Variants in ADGRG2 observed in about 807,000 individuals in gnomAD.
ADGRG2 encodes the protein adhesion G protein-coupled receptor G2, also known as G protein-coupled receptor 64.
A neutral mutation model predicts 74.1 loss-of-function variants in ADGRG2; 26 were observed. The observed-to-expected ratio is 0.35, with a 90% CI of 0.26 to 0.49. The LOEUF is 0.49. ADGRG2 is among the 20% of genes least tolerant of loss of function. ADGRG2 has a pLI of 0.99. For missense variants in ADGRG2, 619 were observed against 763.1 expected (o/e 0.81, Z 2.22); for synonymous variants, 296 against 295.2 (o/e 1.00, Z -0.03).
At chrX:19,035,912 C>T in intron 7 of ADGRG2, 30 bp downstream of exon 7, 1 of 816,699 alleles carries the variant, frequency 1.2e-6, no homozygotes, top group Non-Finnish European at 1.8e-6. Flanking sequence ...GCAGAAGAAG[C>T]TATTACATTT....
At chrX:19,037,719 T>C (rs1252466230) in intron 4 of ADGRG2, 83 bp from the exon 5 acceptor site, 2 of 711,134 alleles carry the variant, frequency 2.8e-6, no homozygotes, top group Non-Finnish European at 4.1e-6. Context: ...TGAGATATAA[T>C]TACGAAAAGA....
At chrX:19,083,850 A>G (rs1325651831) in intron 1 of ADGRG2, among the ~76,000 whole-genome samples, 2 of 112,455 alleles carry the variant, frequency 1.8e-5, no homozygotes, top group Non-Finnish European at 1.9e-5. Flanking sequence ...TTTCAAATGA[A>G]GATCTGTGAT....
intron 1 of ADGRG2, among the ~76,000 whole-genome samples, chrX:19,085,090 C>T (rs2061916661): frequency 8.9e-6 from 1 of 111,894 alleles, no homozygotes; most frequent in African/African-American, 3.3e-5. Context: ...AATATACACA[C>T]AAATACTGTC....
chrX:19,108,143 A>G (rs2062347020), intron 1 of ADGRG2, among the ~76,000 whole-genome samples: 1 of 109,416 alleles, frequency 9.1e-6, no homozygotes, highest in Non-Finnish European at 1.9e-5. Flanking sequence ...ATTAAAGTGT[A>G]AAAACAACTA....
chrX:19,022,977 G>A lies in ADGRG2; in HGVS notation c.548+439C>T, dbSNP rs140930619. Among the ~76,000 whole-genome samples the A allele has an allele frequency of 6.6e-3, 741 of 112,490 alleles. 1 individual carries two copies. The highest frequency in any genetic ancestry group is 0.015 in the South Asian group (40 of 2,712). ...CTCCCAAAGTGTTGGGATTACAGGC[G>A]TGAGCCACCACACCCAGCCATGTTC... On this transcript the variant is annotated intron_variant, in intron 13 of 28. Transcript: ENST00000379869.
chrX:19,114,007 G>A (rs1467987511), intron 1 of ADGRG2, among the ~76,000 whole-genome samples: 1 of 105,905 alleles, frequency 9.4e-6, no homozygotes, highest in Admixed American at 1.0e-4. Context: ...GGGAGGCAGA[G>A]GTTGCAGTGA....
intron 7 of ADGRG2, chrX:19,033,917 A>G: frequency 4.8e-6 from 1 of 208,323 alleles, no homozygotes; most frequent in Non-Finnish European, 8.6e-6. Flanking sequence ...TGCCTGTGTA[A>G]TTCTACTTTA....
intron 1 of ADGRG2, among the ~76,000 whole-genome samples, chrX:19,095,562 T>C (rs144080154): frequency 8.9e-6 from 1 of 112,441 alleles, no homozygotes; most frequent in African/African-American, 3.2e-5. Flanking sequence ...CTAATCAGCA[T>C]ATCAAATGCC....
At chrX:19,119,837 C>T (rs2062582838) in intron 1 of ADGRG2, among the ~76,000 whole-genome samples, 2 of 111,132 alleles carry the variant, frequency 1.8e-5, no homozygotes. Context: ...AACACAGCAG[C>T]TTTCCTTTCC....
chrX:19,006,128 C>A, intron 21 of ADGRG2, 23 bp from the exon 22 acceptor site: 1 of 1,144,728 alleles, frequency 8.7e-7, no homozygotes. Flanking sequence ...GGAAGAACAT[C>A]TGTCCCATCA....
chrX:19,049,438 G>GTTTTTTTTTTTTTTTTTTTTTTTTTTGT (rs752686975), intron 3 of ADGRG2, among the ~76,000 whole-genome samples: 1 of 82,214 alleles, frequency 1.2e-5, no homozygotes, highest in Non-Finnish European at 2.2e-5. Flanking sequence ...CGTTTTTTGT[G>GTTTTTTTTTTTTTTTTTTTTTTTTTTGT]TTTTTTTTTT....
chrX:18,994,945 GGAGT>G lies in ADGRG2; in HGVS notation c.2816_2819del (p.Asn939ThrfsTer5), dbSNP rs2059990267. On this transcript the variant is annotated frameshift_variant, in exon 28 of 29. Coordinates refer to ENST00000379869, the MANE Select transcript of ADGRG2 (RefSeq NM_001079858.3). LOFTEE classifies it high-confidence loss of function. ...AATCATTATTCACTAGCAGTGTGGT[GGAGT>G]TAGTGGAGTTACTGCTTGACTGTAA... 1 of 1,193,594 alleles carries G rather than the reference GGAGT, an allele frequency of 8.4e-7. No homozygotes were observed. Among genetic ancestry groups the G allele is most frequent in the South Asian group, 1.8e-5 (1 of 56,329 alleles).
intron 9 of ADGRG2, 91 bp downstream of exon 9, chrX:19,030,893 A>T: frequency 1.6e-6 from 1 of 606,691 alleles, no homozygotes; most frequent in Non-Finnish European, 2.6e-6. Context: ...TCCAAGAGGC[A>T]CATACCACAT....
At chrX:18,999,991 AT>A (rs754958892) in intron 24 of ADGRG2, 31 bp from the exon 25 acceptor site, 64,139 of 498,232 alleles carry the variant, frequency 0.13, no homozygotes, top group East Asian at 0.15. Context: ...GTCACACCTA[AT>A]TTTTTTTTTT....
At chrX:19,034,658 G>A (rs902244433) in intron 7 of ADGRG2, 1 of 112,274 alleles carries the variant, frequency 8.9e-6, no homozygotes, top group African/African-American at 3.2e-5. Flanking sequence ...TTTAGGTCCG[G>A]GTGCCGTGGC....
chrX:19,113,548 A>G (rs767137119), intron 1 of ADGRG2, among the ~76,000 whole-genome samples: 3 of 112,010 alleles, frequency 2.7e-5, no homozygotes, highest in Admixed American at 9.5e-5. Flanking sequence ...ATATTCTTAT[A>G]CTTAGGAAAT....
chrX:18,994,855 T>C (rs1215014676), intron 28 of ADGRG2, 41 bp downstream of exon 28: 3 of 1,085,664 alleles, frequency 2.8e-6, no homozygotes, highest in Non-Finnish European at 3.7e-6. Context: ...TTTTAAAAAA[T>C]AAACACTAGC....
At chrX:19,021,291 G>A in intron 13 of ADGRG2, 93 bp from the exon 14 acceptor site, 1 of 535,969 alleles carries the variant, frequency 1.9e-6, no homozygotes, top group South Asian at 2.5e-5. Context: ...AGTGAGGAAA[G>A]GGGACACTGA....
chrX:19,074,544 TTTC>T (rs1215940453), intron 2 of ADGRG2, among the ~76,000 whole-genome samples: 13 of 71,728 alleles, frequency 1.8e-4, no homozygotes, highest in East Asian at 5.5e-4. Flanking sequence ...GCGCATTTTC[TTTC>T]TTCTTCTTCT....
Sources: allele counts gnomAD v4.1 joint callset (sites outside exome capture counted in the v4.1 genomes callset), GRCh38; gene constraint gnomAD v4.1.1; transcripts MANE v1.5; gene names NCBI Gene and HGNC (gene_info 2026-07-23, HGNC 2026-07-21).